The following DSCAM variants were observed in gnomAD, a reference collection of about 807,000 sequenced individuals.
The protein encoded by DSCAM is DS cell adhesion molecule.
A neutral mutation model predicts 217.7 loss-of-function variants in DSCAM; 47 were observed. The ratio of observed to expected loss-of-function variants is 0.22; its 90% CI spans 0.17 to 0.28. The LOEUF (loss-of-function observed/expected upper bound fraction) is 0.28. DSCAM is among the 10% of genes least tolerant of loss of function. The probability of loss-of-function intolerance (pLI) is 1.00; values close to 1 mark genes in which losing one functional copy is unlikely to be tolerated. For synonymous variants in DSCAM, 1,056 were observed against 1,015.3 expected (o/e 1.04, Z -0.76); for missense variants, 2,080 against 2,618.3 (o/e 0.79, Z 4.49).
chr21:40,223,027 G>C (rs76520699), intron 11 of DSCAM, among the ~76,000 whole-genome samples: 1 of 152,116 alleles, frequency 6.6e-6, no homozygotes, highest in East Asian at 1.9e-4. Flanking sequence ...CCATGACCAC[G>C]CTCCCCTCCA....
At chr21:40,089,596 T>A (rs767176979) in intron 21 of DSCAM, among the ~76,000 whole-genome samples, 2 of 152,208 alleles carry the variant, frequency 1.3e-5, no homozygotes, top group Non-Finnish European at 2.9e-5. Flanking sequence ...TGGACCCTGC[T>A]ACCTGTCGCT....
At position 40,825,154 on chromosome 21, in the gene DSCAM, G is replaced by A. The variant is rs149732715; in HGVS notation, c.43+21465C>T. Among the ~76,000 whole-genome samples the A allele has an allele frequency of 3.3e-3, 502 of 152,238 alleles. 13 individuals are homozygous for A. The highest frequency in any genetic ancestry group is 0.03 in the Admixed American group (459 of 15,288). On this transcript the variant is annotated intron_variant, in intron 1 of 32. Coordinates refer to ENST00000400454, the MANE Select transcript of DSCAM (RefSeq NM_001389.5). ...AACAAATATGGAGGGAGCAACTTAC[G>A]TGTCAGTCCTTGTTCTAAGAACTGA...
At chr21:40,256,494 C>A (rs979205115) in intron 11 of DSCAM, among the ~76,000 whole-genome samples, 1 of 151,772 alleles carries the variant, frequency 6.6e-6, no homozygotes, top group Non-Finnish European at 1.5e-5. Flanking sequence ...TGATAAGGAA[C>A]CACTCCATGA....
At chr21:40,498,335 A>G (rs1181032213) in intron 3 of DSCAM, among the ~76,000 whole-genome samples, 1 of 152,010 alleles carries the variant, frequency 6.6e-6, no homozygotes, top group African/African-American at 2.4e-5. Context: ...GGAATACGCC[A>G]CACCTGCTCT....
At chr21:40,367,155 A>G (rs1220127557) in intron 4 of DSCAM, among the ~76,000 whole-genome samples, 3 of 152,060 alleles carry the variant, frequency 2.0e-5, no homozygotes, top group Non-Finnish European at 2.9e-5. Context: ...TCCAACCTAG[A>G]CCTCATGCAG....
At chr21:40,841,673 G>A (rs1041134154) in intron 1 of DSCAM, among the ~76,000 whole-genome samples, 1 of 152,120 alleles carries the variant, frequency 6.6e-6, no homozygotes, top group Admixed American at 6.5e-5. Context: ...CAGGAGAAGC[G>A]GCGGCTCCTG....
intron 1 of DSCAM, 32 bp downstream of exon 1, chr21:40,846,587 A>G: frequency 1.3e-6 from 1 of 795,782 alleles, no homozygotes; most frequent in Non-Finnish European, 1.6e-6. Context: ...AATGATAAGG[A>G]AACGAAATTC....
rs180946033 is a variant in DSCAM, at chr21:40,370,637, T to C, written c.509-1392A>G. Among the ~76,000 whole-genome samples, 901 of 152,178 alleles carry C rather than the reference T, an allele frequency of 5.9e-3. 12 individuals are homozygous for C. Among genetic ancestry groups the C allele is most frequent in the African/African-American group, 0.021 (852 of 41,520 alleles). ...TAAAAATGGTTTATGGTTTTTTTTT[T>C]TGAGATAAGGTCTGGCTGTATTATC... On this transcript the variant is annotated intron_variant, in intron 3 of 32. Transcript: ENST00000400454.
At chr21:40,716,138 G>T (rs533151511) in intron 1 of DSCAM, among the ~76,000 whole-genome samples, 1 of 152,284 alleles carries the variant, frequency 6.6e-6, no homozygotes, top group South Asian at 2.1e-4. Flanking sequence ...TTTTACATTA[G>T]TCTTTCTCCT....
intron 16 of DSCAM, among the ~76,000 whole-genome samples, chr21:40,156,390 C>G (rs2090480051): frequency 6.6e-6 from 1 of 150,700 alleles, no homozygotes; most frequent in African/African-American, 2.4e-5. Flanking sequence ...CGGGTTGTTG[C>G]AGCCTTTGTC....
chr21:40,353,516 C>G lies in DSCAM; in HGVS notation c.883G>C (p.Val295Leu), dbSNP rs1328534391. The stretch of plus-strand genomic sequence containing the variant: ...TTAGCAGTTCCGTATCTGTTGGACA[C>G]TTCACAAACATAGCTGCCTGAGTCC... ...PSDSGSYVCE[V>L]SNRYGTAKVI... Residue 295 changes from valine (V) to leucine (L), a missense_variant, in exon 5 of 33, where the codon GTG becomes CTG. Coordinates refer to ENST00000400454, the MANE Select transcript of DSCAM (RefSeq NM_001389.5). 1.2e-6 allele frequency: 2 copies of G among 1,612,464 alleles called. No homozygotes were observed. Among genetic ancestry groups the G allele is most frequent in the Non-Finnish European group, 1.7e-6 (2 of 1,179,418 alleles).
intron 6 of DSCAM, among the ~76,000 whole-genome samples, chr21:40,342,148 G>T (rs1054840156): frequency 6.6e-6 from 1 of 151,822 alleles, no homozygotes; most frequent in Non-Finnish European, 1.5e-5. Context: ...TTGCCTTTTT[G>T]TTTTTGATTT....
chr21:40,536,539 C>G (rs1386726918), intron 3 of DSCAM, among the ~76,000 whole-genome samples: 1 of 151,814 alleles, frequency 6.6e-6, no homozygotes, highest in African/African-American at 2.4e-5. Context: ...GTAGCTGGGA[C>G]TACAGGCGCC....
Position 40,376,569 on chromosome 21 carries a change from ATATC to A in DSCAM, c.509-7328_509-7325del, listed in dbSNP as rs1443507348. Reference sequence around the variant, plus strand: ...TCTTATATCGATATCTATATATCTTATATCGATATCTATATATCTTATATCGATA... The same window carrying A: ...TCTTATATCGATATCTATATATCTTAGATATCTATATATCTTATATCGATA... On this transcript the variant is annotated intron_variant, in intron 3 of 32. Transcript: ENST00000400454. Among the ~76,000 whole-genome samples, 277 of 53,208 alleles carry A rather than the reference ATATC, an allele frequency of 5.2e-3. 19 individuals are homozygous for A. The highest frequency in any genetic ancestry group is 0.01 in the Middle Eastern group (1 of 100). The allele number at this position is 53,208 out of a possible 152,430, so 34.9% of individuals were successfully genotyped here. A position where few individuals can be genotyped will look rare whatever the true frequency, so the allele number is the denominator to read the frequency against.
chr21:40,665,320 G>C (rs888164999), intron 3 of DSCAM, among the ~76,000 whole-genome samples: 153 of 152,156 alleles, frequency 1.0e-3, no homozygotes, highest in African/African-American at 3.3e-3. Context: ...CAATACCTGT[G>C]GACAGAATCC....
chr21:40,392,790 AC>A (rs2075145738), intron 3 of DSCAM, among the ~76,000 whole-genome samples: 1 of 152,148 alleles, frequency 6.6e-6, no homozygotes, highest in South Asian at 2.1e-4. Flanking sequence ...AGTGAATATA[AC>A]CTCAGAAGCA....
At chr21:40,408,930 G>T (rs765156401) in intron 3 of DSCAM, among the ~76,000 whole-genome samples, 4 of 152,188 alleles carry the variant, frequency 2.6e-5, no homozygotes, top group African/African-American at 4.8e-5. Flanking sequence ...GTTATGAATG[G>T]AACTAGAATA....
intron 11 of DSCAM, among the ~76,000 whole-genome samples, chr21:40,246,971 A>G (rs1184347587): frequency 6.6e-6 from 1 of 152,306 alleles, no homozygotes. Flanking sequence ...AGGTCTCAGC[A>G]TCATGGGGCG....
chr21:40,299,004 C>A (rs76163500), intron 9 of DSCAM, among the ~76,000 whole-genome samples: 1 of 151,966 alleles, frequency 6.6e-6, no homozygotes, highest in Non-Finnish European at 1.5e-5. Context: ...TCATTGAAAA[C>A]TGTTTCTGAC....
Sources: allele counts gnomAD v4.1 joint callset (sites outside exome capture counted in the v4.1 genomes callset), GRCh38; gene constraint gnomAD v4.1.1; transcripts MANE v1.5; gene names NCBI Gene and HGNC (gene_info 2026-07-23, HGNC 2026-07-21).